TTLL6: variants seen among roughly 807,000 people sequenced by gnomAD.
TTLL6 encodes tubulin polyglutamylase TTLL6.
TTLL6 carries 75 observed loss-of-function variants against 96.4 expected under a neutral mutation model. The observed-to-expected ratio is 0.78, with a 90% confidence interval of 0.65 to 0.94. TTLL6 has a LOEUF of 0.94. Among genes scored for constraint, TTLL6 ranks in the 40% least tolerant of loss-of-function variants. The probability of loss-of-function intolerance (pLI) is 0.00; values close to 1 mark genes in which losing one functional copy is unlikely to be tolerated. For missense variants in TTLL6, 1,030 were observed against 1,093.0 expected (o/e 0.94, Z 0.81); for synonymous variants, 411 against 419.4 (o/e 0.98, Z 0.24).
intron 5 of TTLL6, 66 bp downstream of exon 5, chr17:48,801,189 G>A (rs970991914): frequency 1.8e-5 from 26 of 1,454,058 alleles, no homozygotes; most frequent in East Asian, 5.0e-5. Flanking sequence ...CCAGGGAATC[G>A]GGGGCAAGAG....
intron 10 of TTLL6, among the ~76,000 whole-genome samples, chr17:48,788,869 T>A (rs1229241539): frequency 6.6e-6 from 1 of 152,200 alleles, no homozygotes; most frequent in Non-Finnish European, 1.5e-5. Flanking sequence ...ATTTATGGCA[T>A]CAGTTCCAGA....
At chr17:48,774,274 G>A (rs188646124) in intron 13 of TTLL6, among the ~76,000 whole-genome samples, 15 of 116,402 alleles carry the variant, frequency 1.3e-4, no homozygotes, top group Non-Finnish European at 2.4e-4. Context: ...TCGCTCTGTC[G>A]CCCAGGGTGG....
chr17:48,797,269 C>T, intron 6 of TTLL6, 65 bp from the exon 7 acceptor site: 1 of 1,482,448 alleles, frequency 6.7e-7, no homozygotes, highest in Non-Finnish European at 9.1e-7. Context: ...AAATCACTAG[C>T]TCCCGCCTTG....
intron 15 of TTLL6, among the ~76,000 whole-genome samples, chr17:48,765,119 C>T (rs1324171329): frequency 1.3e-5 from 2 of 151,922 alleles, no homozygotes; most frequent in Non-Finnish European, 2.9e-5. Flanking sequence ...TTTTTCTTTT[C>T]TAAAGCTCAA....
At chr17:48,809,967 G>A (rs1042238517) in intron 1 of TTLL6, among the ~76,000 whole-genome samples, 3 of 151,360 alleles carry the variant, frequency 2.0e-5, no homozygotes, top group South Asian at 2.1e-4. Context: ...GAGAAACCCC[G>A]TCTCTACTAA....
chr17:48,808,732 C>T (rs1017199343), intron 1 of TTLL6, among the ~76,000 whole-genome samples: 9 of 152,238 alleles, frequency 5.9e-5, no homozygotes, highest in African/African-American at 2.2e-4. Flanking sequence ...CCACGTCAGG[C>T]TAATTTTTTT....
intron 13 of TTLL6, among the ~76,000 whole-genome samples, chr17:48,781,312 G>C (rs1352242466): frequency 1.3e-5 from 2 of 152,108 alleles, no homozygotes; most frequent in Non-Finnish European, 2.9e-5. Context: ...GTCCCAAAGT[G>C]CTGGGATTAC....
chr17:48,809,718 C>T (rs964398936), intron 1 of TTLL6, among the ~76,000 whole-genome samples: 2 of 152,014 alleles, frequency 1.3e-5, no homozygotes, highest in Non-Finnish European at 2.9e-5. Context: ...TAGCTGAGTG[C>T]AGTGCTGCAT....
Position 48,790,037 on chromosome 17 carries a change from C to T in TTLL6, c.1294G>A (p.Asp432Asn), listed in dbSNP as rs1294703728. ...TCCAGGTTGATCAGGACTAAGGTGT[C>T]ATACAGCAGACCATCTTTCACCTCT... ...DKEVKDGLLYDTLVLINLESC... is the reference protein window; with the variant it reads ...DKEVKDGLLYNTLVLINLESC... Residue 432 changes from aspartate (D) to asparagine (N), a missense_variant, in exon 10 of 16, where the codon GAC becomes AAC. Transcript: ENST00000393382. 1.9e-6 allele frequency: 3 copies of T among 1,614,108 alleles called. No homozygotes were observed. The highest frequency in any genetic ancestry group is 3.3e-5 in the Admixed American group (2 of 60,006).
chr17:48,786,409 T>C (rs1597978227), intron 11 of TTLL6, 74 bp from the exon 12 acceptor site: 1 of 1,581,234 alleles, frequency 6.3e-7, no homozygotes, highest in East Asian at 2.2e-5. Context: ...CCTTGAGGGA[T>C]GGACATGACT....
chr17:48,810,322 C>G (rs950911377), intron 1 of TTLL6, among the ~76,000 whole-genome samples: 3 of 152,052 alleles, frequency 2.0e-5, no homozygotes, highest in African/African-American at 7.2e-5. Context: ...GACATAAGAG[C>G]CATCTTGGAT....
At chr17:48,763,043 T>A (rs1175654189) in intron 15 of TTLL6, 70 bp from the exon 16 acceptor site, 1 of 409,458 alleles carries the variant, frequency 2.4e-6, no homozygotes, top group Non-Finnish European at 4.8e-6. Flanking sequence ...GTCAATGAAC[T>A]CATCATCACC....
chr17:48,765,889 G>T (rs1275449349), intron 15 of TTLL6: 1 of 152,220 alleles, frequency 6.6e-6, no homozygotes, highest in Non-Finnish European at 1.5e-5. Context: ...CTCAGCCATT[G>T]CTTATTATGG....
intron 6 of TTLL6, among the ~76,000 whole-genome samples, chr17:48,799,377 T>C (rs1344341800): frequency 4.6e-5 from 7 of 152,206 alleles, no homozygotes; most frequent in Non-Finnish European, 1.0e-4. Context: ...AGGGCCAGCC[T>C]GGCAGGGCCA....
In TTLL6 at chr17:48,799,644, T is replaced by C; in HGVS notation, c.728A>G (p.Lys243Arg). Residue 243 changes from lysine (K) to arginine (R), a missense_variant, in exon 6 of 16, where the codon AAA becomes AGA. By Grantham distance (26) the Lys-to-Arg change is conservative. Coordinates refer to ENST00000393382, the MANE Select transcript of TTLL6 (RefSeq NM_001130918.3). ...CTGACAGATCATATCCTCCCCTGGTTTGATTTCTTTCACTGTCCGGGTGAT... is the reference window on the plus strand; with the variant it reads ...CTGACAGATCATATCCTCCCCTGGTCTGATTTCTTTCACTGTCCGGGTGAT... ...IFITRTVKEI[K>R]PGEDMICQLY... 1.3e-6 allele frequency: 2 copies of C among 1,551,986 alleles called. No homozygotes were observed. The highest frequency in any genetic ancestry group is 1.7e-6 in the Non-Finnish European group (2 of 1,147,056).
intron 15 of TTLL6, chr17:48,765,758 A>G (rs1248606637): frequency 6.6e-6 from 1 of 152,636 alleles, no homozygotes; most frequent in East Asian, 1.9e-4. Flanking sequence ...AGGGTAGCGC[A>G]TTACAGCCCA....
At chr17:48,807,276 G>C (rs548903178) in intron 1 of TTLL6, among the ~76,000 whole-genome samples, 1 of 151,272 alleles carries the variant, frequency 6.6e-6, no homozygotes. Context: ...TTTTAGTAGA[G>C]ATGGGGGTTT....
intron 13 of TTLL6, among the ~76,000 whole-genome samples, chr17:48,775,130 AAAAAG>A (rs923633000): frequency 1.1e-4 from 16 of 152,242 alleles, no homozygotes; most frequent in African/African-American, 3.4e-4. Context: ...CTTAAAAAAA[AAAAAG>A]AAAGAAAGAA....
Position 48,769,258 on chromosome 17 carries a change from G to A in TTLL6, c.2411-4C>T, listed in dbSNP as rs76362819. 5,953 of 1,592,458 alleles carry A rather than the reference G, an allele frequency of 3.7e-3. 157 individuals are homozygous for A. In the African/African-American group the frequency reaches 0.061, roughly 16 times the overall value. Reference sequence around the variant, plus strand: ...TCCCCAGGCAGGGAGGGGTTTTCTGGAAAGGCAAAGTCAGAAGCATCAGCG... The same window carrying A: ...TCCCCAGGCAGGGAGGGGTTTTCTGAAAAGGCAAAGTCAGAAGCATCAGCG... On this transcript the variant is annotated splice_region_variant and splice_polypyrimidine_tract_variant and intron_variant, in intron 14 of 15. Transcript: ENST00000393382.
Sources: allele counts gnomAD v4.1 joint callset (sites outside exome capture counted in the v4.1 genomes callset), GRCh38; gene constraint gnomAD v4.1.1; transcripts MANE v1.5; gene names NCBI Gene and HGNC (gene_info 2026-07-23, HGNC 2026-07-21).